FRAS1: variants seen among roughly 807,000 people sequenced by gnomAD.
The protein encoded by FRAS1 is extracellular matrix organizing protein FRAS1.
In FRAS1, 290 loss-of-function variants were observed where a neutral mutation model predicts 435.2. The observed-to-expected ratio is 0.67, with a 90% CI of 0.61 to 0.73. The LOEUF is 0.73. Among genes scored for constraint, FRAS1 ranks in the 30% least tolerant of loss-of-function variants. The probability of loss-of-function intolerance (pLI) is 0.00; values close to 1 mark genes in which losing one functional copy is unlikely to be tolerated. For synonymous variants in FRAS1, 1,800 were observed against 1,851.0 expected (o/e 0.97, Z 0.71); for missense variants, 4,860 against 5,001.5 (o/e 0.97, Z 0.85).
chr4:78,487,585 C>T (rs976159853), intron 58 of FRAS1, among the ~76,000 whole-genome samples: 7 of 152,104 alleles, frequency 4.6e-5, no homozygotes, highest in African/African-American at 1.7e-4. Context: ...CAGCAGTCAA[C>T]AAAATGTTGA....
chr4:78,503,224 CT>C (rs1720733614), intron 61 of FRAS1, among the ~76,000 whole-genome samples: 1 of 152,190 alleles, frequency 6.6e-6, no homozygotes, highest in African/African-American at 2.4e-5. Context: ...ATGATTCCGG[CT>C]TCATAAAATG....
At chr4:78,286,036 T>C (rs1328652475) in intron 13 of FRAS1, among the ~76,000 whole-genome samples, 1 of 151,598 alleles carries the variant, frequency 6.6e-6, no homozygotes, top group Admixed American at 6.5e-5. Context: ...TTGGGGGCTA[T>C]TGGATAAGAG....
chr4:78,192,848 C>T (rs1578177204), intron 2 of FRAS1, among the ~76,000 whole-genome samples: 1 of 152,154 alleles, frequency 6.6e-6, no homozygotes, highest in South Asian at 2.1e-4. Context: ...TTCTCTAGTT[C>T]TTTGAATTGC....
intron 49 of FRAS1, 102 bp from the exon 50 acceptor site, chr4:78,466,106 G>A: frequency 1.2e-6 from 1 of 829,598 alleles, no homozygotes; most frequent in South Asian, 1.6e-5. Flanking sequence ...CTTTATCAAT[G>A]TCTTTGGGTT....
At chr4:78,079,122 T>G (rs1372958880) in intron 2 of FRAS1, among the ~76,000 whole-genome samples, 1 of 152,154 alleles carries the variant, frequency 6.6e-6, no homozygotes, top group African/African-American at 2.4e-5. Flanking sequence ...GATGGCACAT[T>G]TCTGAGGTAA....
intron 29 of FRAS1, among the ~76,000 whole-genome samples, chr4:78,397,909 A>G (rs894925470): frequency 2.0e-5 from 3 of 152,140 alleles, no homozygotes; most frequent in African/African-American, 7.2e-5. Context: ...GGAGGAGAGT[A>G]TTAGGGTAAA....
At chr4:78,207,383 A>G (rs1723307752) in intron 2 of FRAS1, among the ~76,000 whole-genome samples, 1 of 152,256 alleles carries the variant, frequency 6.6e-6, no homozygotes, top group South Asian at 2.1e-4. Flanking sequence ...ATTAAAGTTC[A>G]TAAGGAATAT....
intron 35 of FRAS1, among the ~76,000 whole-genome samples, chr4:78,428,061 T>A (rs1466828814): frequency 6.6e-6 from 1 of 152,166 alleles, no homozygotes; most frequent in Non-Finnish European, 1.5e-5. Flanking sequence ...CCTCCAAAAC[T>A]GGCTTTTGGG....
rs1201845683 is a variant in FRAS1, at chr4:78,149,549, TA to T, written c.108+83534del. The stretch of plus-strand genomic sequence containing the variant: ...ACATCCATATATGTATACATGCATA[TA>T]TTTTTTTCTTGAATGGGAGTATAGT... On this transcript the variant is annotated intron_variant, in intron 2 of 73. Transcript: ENST00000512123. Among the ~76,000 whole-genome samples the T allele has an allele frequency of 2.0e-5, 3 of 152,206 alleles. No homozygotes were observed. In the East Asian group the frequency reaches 5.8e-4, roughly 29 times the overall value.
At chr4:78,225,421 G>T (rs1724228110) in intron 2 of FRAS1, among the ~76,000 whole-genome samples, 1 of 152,186 alleles carries the variant, frequency 6.6e-6, no homozygotes, top group Non-Finnish European at 1.5e-5. Context: ...GAGGCGGTTT[G>T]TCTGGTTTAC....
intron 6 of FRAS1, among the ~76,000 whole-genome samples, chr4:78,261,908 A>G (rs74437277): frequency 0.028 from 4,257 of 152,182 alleles, 203 homozygotes; most frequent in African/African-American, 0.096. Flanking sequence ...AGTAGAAGAT[A>G]TTTTTCCTTT....
chr4:78,286,570 G>C (rs1192026593), intron 14 of FRAS1, 31 bp downstream of exon 14: 8 of 1,605,708 alleles, frequency 5.0e-6, no homozygotes, highest in Non-Finnish European at 6.8e-6. Context: ...AGTTGGGCCA[G>C]CTACCAAGAC....
chr4:78,427,595 A>G (rs866506320), intron 35 of FRAS1, among the ~76,000 whole-genome samples: 11 of 152,346 alleles, frequency 7.2e-5, no homozygotes, highest in African/African-American at 2.6e-4. Flanking sequence ...AATAATTAAG[A>G]ACCATCTGTG....
chr4:78,151,811 C>A (rs1720677842), intron 2 of FRAS1, among the ~76,000 whole-genome samples: 1 of 152,090 alleles, frequency 6.6e-6, no homozygotes, highest in South Asian at 2.1e-4. Flanking sequence ...TGAGGAGATG[C>A]TTTCCTTGGC....
chr4:78,354,603 G>A (rs991252316), intron 20 of FRAS1, among the ~76,000 whole-genome samples: 1 of 152,144 alleles, frequency 6.6e-6, no homozygotes, highest in East Asian at 1.9e-4. Context: ...AAGGCCCTGA[G>A]TTTTGGCATG....
Position 78,466,359 on chromosome 4 carries a change from C to G in FRAS1, c.7181C>G (p.Ser2394Cys). The change falls in exon 50 of 74, where the codon TCC (serine) becomes TGC (cysteine). Residue 2394 changes from serine to cysteine, a missense_variant. Coordinates refer to ENST00000512123, the MANE Select transcript of FRAS1 (RefSeq NM_025074.7). The stretch of plus-strand genomic sequence containing the variant: ...AGCTACAGCCATGACGGCAGTAACT[C>G]CCTCAAGGACCGGTTCACCTTCACT... ...RVSYSHDGSN[S>C]LKDRFTFTVS... 4.3e-6 allele frequency: 7 copies of G among 1,613,966 alleles called. No homozygotes were observed. Among genetic ancestry groups the G allele is most frequent in the Non-Finnish European group, 5.9e-6 (7 of 1,179,874 alleles).
At chr4:78,130,409 A>G (rs1449283072) in intron 2 of FRAS1, among the ~76,000 whole-genome samples, 1 of 152,188 alleles carries the variant, frequency 6.6e-6, no homozygotes. Flanking sequence ...AGTACTGATC[A>G]CAAAGTCAGC....
rs61748814 is a variant in FRAS1, at chr4:78,540,802, T to C, written c.11717T>C (p.Ile3906Thr). ...TCCCTGTCACAGACTGGGGCGTCCA[T>C]TGGCAGTGCCCTGGCTGCAATCATG... ...AASLSQTGAS[I>T]GSALAAIMLL... The change falls in exon 74 of 74, where the codon ATT becomes ACT. Residue 3906 changes from isoleucine (I) to threonine (T), a missense_variant. Physicochemically the swap from Ile to Thr is moderately conservative, Grantham distance 89 (BLOSUM62 -1). Transcript: ENST00000512123. 0.018 allele frequency: 28,807 copies of C among 1,613,872 alleles called. 302 individuals carry two copies. The highest frequency in any genetic ancestry group is 0.023 in the Middle Eastern group (138 of 6,056).
chr4:78,224,034 T>TA (rs1578194281), intron 2 of FRAS1, among the ~76,000 whole-genome samples: 1 of 152,188 alleles, frequency 6.6e-6, no homozygotes, highest in African/African-American at 2.4e-5. Context: ...CTTAGAAACT[T>TA]AAGATCTTAG....
Sources: allele counts gnomAD v4.1 joint callset (sites outside exome capture counted in the v4.1 genomes callset), GRCh38; gene constraint gnomAD v4.1.1; transcripts MANE v1.5; gene names NCBI Gene and HGNC (gene_info 2026-07-23, HGNC 2026-07-21).